AFG2A: variants seen among roughly 807,000 people sequenced by gnomAD.
AFG2A encodes the protein AAA ATPase AFG2A, also known as ATPase family gene 2 protein homolog A.
the AFG2A span, among the ~76,000 whole-genome samples, chr4:123,026,447 T>A: frequency 6.6e-6 from 1 of 151,880 alleles, no homozygotes; most frequent in Non-Finnish European, 1.5e-5. Context: ...GGTGATGAGC[T>A]AAAAAAAATT....
chr4:122,934,554 T>C, the AFG2A span: 1 of 1,613,966 alleles, frequency 6.2e-7, no homozygotes, highest in Non-Finnish European at 8.5e-7. Flanking sequence ...GCAATACTGA[T>C]ACTTTTTATT....
chr4:122,944,709 A>G, the AFG2A span, among the ~76,000 whole-genome samples: 123,126 of 151,928 alleles, frequency 0.81, 51,644 homozygotes, highest in East Asian at 0.96. Flanking sequence ...GAGGAGAGGC[A>G]CTCTGCTTTT....
At chr4:123,297,918 C>T in the AFG2A span, among the ~76,000 whole-genome samples, 1 of 152,066 alleles carries the variant, frequency 6.6e-6, no homozygotes, top group Non-Finnish European at 1.5e-5. Flanking sequence ...CACAAATTTA[C>T]ATATACATAG....
chr4:123,229,540 G>A, the AFG2A span, among the ~76,000 whole-genome samples: 3 of 151,878 alleles, frequency 2.0e-5, no homozygotes, highest in African/African-American at 4.8e-5. Flanking sequence ...GAGTAGACAC[G>A]AGGATAAATG....
chr4:122,952,086 C>A, the AFG2A span, among the ~76,000 whole-genome samples: 1 of 152,176 alleles, frequency 6.6e-6, no homozygotes, highest in Admixed American at 6.5e-5. Context: ...GTACTGGCTG[C>A]ATACTAGCAT....
the AFG2A span, among the ~76,000 whole-genome samples, chr4:123,180,647 T>G: frequency 2.0e-5 from 3 of 152,326 alleles, 1 homozygote; most frequent in South Asian, 6.2e-4. Context: ...TTCCTGAGAA[T>G]AGAGATGTTT....
At chr4:122,977,143 C>T in the AFG2A span, among the ~76,000 whole-genome samples, 12 of 152,232 alleles carry the variant, frequency 7.9e-5, no homozygotes, top group South Asian at 2.5e-3. Context: ...TCACAGGATC[C>T]TTAGGGTGTC....
the AFG2A span, among the ~76,000 whole-genome samples, chr4:123,032,456 G>T: frequency 6.6e-6 from 1 of 152,056 alleles, no homozygotes; most frequent in African/African-American, 2.4e-5. Flanking sequence ...GCAGTGGCGC[G>T]ATCTCGGCTC....
At chr4:123,265,529 C>A in the AFG2A span, among the ~76,000 whole-genome samples, 1 of 152,174 alleles carries the variant, frequency 6.6e-6, no homozygotes, top group African/African-American at 2.4e-5. Flanking sequence ...GATGTTTACA[C>A]CAAAGCTAAT....
chr4:123,213,560 A>G, the AFG2A span, among the ~76,000 whole-genome samples: 1 of 152,210 alleles, frequency 6.6e-6, no homozygotes, highest in Admixed American at 6.5e-5. Context: ...GCTACTAAAA[A>G]TGAACCATTA....
chr4:122,970,893 G>C, the AFG2A span, among the ~76,000 whole-genome samples: 1 of 152,072 alleles, frequency 6.6e-6, no homozygotes, highest in Non-Finnish European at 1.5e-5. Flanking sequence ...GAGTGCAGTG[G>C]CACTATCTCA....
the AFG2A span, among the ~76,000 whole-genome samples, chr4:123,117,784 A>G: frequency 6.6e-6 from 1 of 151,800 alleles, no homozygotes; most frequent in African/African-American, 2.4e-5. Context: ...CATGTTTAAG[A>G]AGGTGTCTCT....
chr4:123,107,288 G>C, the AFG2A span, among the ~76,000 whole-genome samples: 2 of 152,182 alleles, frequency 1.3e-5, no homozygotes, highest in Non-Finnish European at 1.5e-5. Context: ...TTCTTGTCCC[G>C]TGTCCAGGAC....
the AFG2A span, among the ~76,000 whole-genome samples, chr4:123,195,356 A>C: frequency 1.3e-5 from 2 of 152,218 alleles, no homozygotes; most frequent in Non-Finnish European, 2.9e-5. Context: ...ATAAAACTTC[A>C]TGAGGTCAGT....
the AFG2A span, among the ~76,000 whole-genome samples, chr4:123,200,654 G>T: frequency 4.9e-4 from 74 of 152,288 alleles, 1 homozygote; most frequent in Non-Finnish European, 9.4e-4. Flanking sequence ...GAGAAGGCAA[G>T]CTTGTTACTT....
the AFG2A span, among the ~76,000 whole-genome samples, chr4:123,292,665 T>A: frequency 6.6e-6 from 1 of 152,194 alleles, no homozygotes; most frequent in Non-Finnish European, 1.5e-5. Context: ...GCACAGTGGC[T>A]TTCTCATATG....
the AFG2A span, among the ~76,000 whole-genome samples, chr4:123,168,394 A>T: frequency 4.6e-5 from 7 of 152,198 alleles, no homozygotes; most frequent in African/African-American, 1.7e-4. Flanking sequence ...TCTTAAAGTG[A>T]AATTTCTAAC....
At chr4:123,234,929 G>A in the AFG2A span, among the ~76,000 whole-genome samples, 1 of 152,058 alleles carries the variant, frequency 6.6e-6, no homozygotes, top group African/African-American at 2.4e-5. Context: ...CGCCTTCCGG[G>A]CTGTTGTGCA....
the AFG2A span, among the ~76,000 whole-genome samples, chr4:123,163,009 A>G: frequency 6.6e-6 from 1 of 152,226 alleles, no homozygotes; most frequent in South Asian, 2.1e-4. Context: ...CATAGATGCA[A>G]ATGGTAAAGT....
Sources: allele counts gnomAD v4.1 joint callset (sites outside exome capture counted in the v4.1 genomes callset), GRCh38; gene constraint gnomAD v4.1.1; transcripts MANE v1.5; gene names NCBI Gene and HGNC (gene_info 2026-07-23, HGNC 2026-07-21).